The following HNRNPM variants were observed in gnomAD, a reference collection of about 807,000 sequenced individuals.
HNRNPM encodes heterogeneous nuclear ribonucleoprotein M, also known as CEA receptor.
In HNRNPM, 11 loss-of-function variants were observed where a neutral mutation model predicts 73.1. That is an observed-to-expected ratio of 0.15 (90% confidence interval 0.09 to 0.25). The LOEUF is 0.25. HNRNPM is among the 10% of genes least tolerant of loss of function. The probability of loss-of-function intolerance (pLI) is 1.00; values close to 1 mark genes in which losing one functional copy is unlikely to be tolerated. For synonymous variants in HNRNPM, 407 were observed against 355.2 expected (o/e 1.15, Z -1.64); for missense variants, 789 against 1,067.9 (o/e 0.74, Z 3.64).
intron 10 of HNRNPM, among the ~76,000 whole-genome samples, chr19:8,473,172 T>C (rs1027870437): frequency 2.6e-5 from 4 of 151,778 alleles, no homozygotes; most frequent in Non-Finnish European, 5.9e-5. Flanking sequence ...GAGCCTGGGA[T>C]GTTGAGGCTG....
chr19:8,458,206 A>G (rs1021197167), intron 2 of HNRNPM, among the ~76,000 whole-genome samples: 4 of 152,210 alleles, frequency 2.6e-5, no homozygotes, highest in Non-Finnish European at 4.4e-5. Flanking sequence ...TACCAGCTGC[A>G]TATTCTCCAG....
intron 8 of HNRNPM, among the ~76,000 whole-genome samples, chr19:8,468,453 A>G (rs1472875547): frequency 6.6e-6 from 1 of 152,230 alleles, no homozygotes. Context: ...TAAATAGAGT[A>G]GGTAAGTTTT....
intron 1 of HNRNPM, among the ~76,000 whole-genome samples, chr19:8,450,677 C>A (rs1968541359): frequency 6.6e-6 from 1 of 151,522 alleles, no homozygotes; most frequent in Non-Finnish European, 1.5e-5. Context: ...GCTGGGATTA[C>A]AGGCATTAAT....
rs1471063690 is a variant in HNRNPM at position 8,478,921 on chromosome 19, C to T, written c.1121-4237C>T. Among the ~76,000 whole-genome samples the T allele has an allele frequency of 5.3e-5, 8 of 152,080 alleles. No individual in the cohort carries two copies. In the East Asian group the frequency reaches 1.2e-3, roughly 22 times the overall value. On this transcript the variant is annotated intron_variant, in intron 12 of 15. Coordinates refer to ENST00000325495, the MANE Select transcript of HNRNPM (RefSeq NM_005968.5). Reference sequence around the variant, plus strand: ...AGTTAGCAGGATGGAGTGAGTTGTGCACTTGCTGATGCCTTTGACAGAGGC... The same window carrying T: ...AGTTAGCAGGATGGAGTGAGTTGTGTACTTGCTGATGCCTTTGACAGAGGC...
rs149272645 is a variant in HNRNPM at position 8,452,182 on chromosome 19, T to C, written c.114-3223T>C. ...CCTGTGGAATATAGGTTAGACACTT[T>C]GTTACCTGCTTTGGCTGTAATTATT... is the stretch of plus-strand genomic sequence containing the variant. On this transcript the variant is annotated intron_variant, in intron 1 of 15. Coordinates refer to ENST00000325495, the MANE Select transcript of HNRNPM (RefSeq NM_005968.5). 2.5e-4 allele frequency among the ~76,000 whole-genome samples: 38 copies of C among 152,366 alleles called. No individual in the cohort carries two copies. In the Middle Eastern group the frequency reaches 0.01, roughly 41 times the overall value.
At chr19:8,445,275 G>A (rs1478663744) in intron 1 of HNRNPM, 164 bp downstream of exon 1, 2 of 524,728 alleles carry the variant, frequency 3.8e-6, no homozygotes, top group African/African-American at 4.0e-5. Context: ...CCGTGAGCGG[G>A]GAGCCGGGGG....
chr19:8,466,532 G>T, intron 7 of HNRNPM, 144 bp downstream of exon 7: 1 of 898,370 alleles, frequency 1.1e-6, no homozygotes, highest in Non-Finnish European at 1.7e-6. Context: ...GGAATTAAGA[G>T]GTTCTCTGGG....
intron 1 of HNRNPM, chr19:8,445,492 C>G (rs528614863): frequency 5.8e-6 from 1 of 171,612 alleles, no homozygotes; most frequent in East Asian, 1.5e-4. Context: ...CCCCCCGTCC[C>G]CTCTCCTCCC....
chr19:8,479,074 CTTTCTTTTTTT>C (rs1249091949), intron 12 of HNRNPM, among the ~76,000 whole-genome samples: 3 of 80,966 alleles, frequency 3.7e-5, no homozygotes, highest in African/African-American at 9.0e-5. Context: ...TTTTTTCTTT[CTTTCTTTTTTT>C]TTTTTTTTTT....
At chr19:8,483,262 G>T in intron 13 of HNRNPM, 51 bp downstream of exon 13, 1 of 1,398,072 alleles carries the variant, frequency 7.2e-7, no homozygotes, top group South Asian at 1.2e-5. Context: ...GGCTGTTATC[G>T]CTGGGGACTG....
rs1273369951 is a variant in HNRNPM, at chr19:8,486,081, G to C, written c.1653G>C (p.Met551Ile). ...GCATGGGCCCCGTGATGGATCGCAT[G>C]GCCACCGGCCTGGAGCGCATGGGCG... ...LERMGPVMDRMATGLERMGAN... is the reference protein window; with the variant it reads ...LERMGPVMDRIATGLERMGAN... The change falls in exon 14 of 16, where the codon ATG (methionine) becomes ATC (isoleucine). Residue 551 changes from methionine to isoleucine, a missense_variant. Physicochemically the swap from Met to Ile is conservative, Grantham distance 10 (BLOSUM62 1). Transcript: ENST00000325495. 1 of 1,606,128 alleles carries C rather than the reference G, an allele frequency of 6.2e-7. No individual in the cohort carries two copies. Among genetic ancestry groups the C allele is most frequent in the Non-Finnish European group, 8.5e-7 (1 of 1,179,462 alleles).
At chr19:8,458,835 T>C (rs768346366) in intron 2 of HNRNPM, among the ~76,000 whole-genome samples, 7 of 152,202 alleles carry the variant, frequency 4.6e-5, no homozygotes, top group Non-Finnish European at 7.3e-5. Context: ...ATAATTTGCA[T>C]TGTGGGTCTA....
intron 1 of HNRNPM, among the ~76,000 whole-genome samples, chr19:8,453,596 TC>T (rs1172467829): frequency 6.6e-6 from 1 of 152,184 alleles, no homozygotes; most frequent in Non-Finnish European, 1.5e-5. Context: ...TGGTTTTTTT[TC>T]CGGTTTTGTC....
chr19:8,465,999 A>G (rs567261546), intron 6 of HNRNPM, among the ~76,000 whole-genome samples: 143 of 152,324 alleles, frequency 9.4e-4, no homozygotes, highest in African/African-American at 3.2e-3. Flanking sequence ...TTGAAGTATG[A>G]GGTGACTTAA....
intron 13 of HNRNPM, among the ~76,000 whole-genome samples, chr19:8,484,321 C>T (rs931026539): frequency 9.2e-5 from 14 of 151,978 alleles, no homozygotes; most frequent in East Asian, 3.9e-4. Flanking sequence ...GGACTACGGG[C>T]GCACGCCACC....
intron 11 of HNRNPM, 26 bp downstream of exon 11, chr19:8,473,734 G>A (rs778639553): frequency 3.6e-5 from 49 of 1,367,560 alleles, no homozygotes; most frequent in Admixed American, 7.0e-5. Flanking sequence ...TGAAGTACAA[G>A]CATAATCACT....
intron 1 of HNRNPM, among the ~76,000 whole-genome samples, chr19:8,446,653 T>TA (rs1455070520): frequency 6.6e-6 from 1 of 152,164 alleles, no homozygotes; most frequent in African/African-American, 2.4e-5. Flanking sequence ...TCCTCCTGCC[T>TA]AGGCCTTCCA....
Position 8,485,979 on chromosome 19 carries a change from C to T in HNRNPM, c.1551C>T (p.Arg517=). The change falls in exon 14 of 16, where the codon CGC becomes CGT. Residue 517 remains arginine (R), a synonymous_variant. Transcript: ENST00000325495. ...TIERMGSGVE[R]MGPAIERMGL... ...AGCGCATGGGCTCTGGCGTGGAGCG[C>T]ATGGGCCCTGCCATCGAGCGCATGG... The T allele has an allele frequency of 6.2e-7, 1 of 1,603,146 alleles. No homozygotes were observed.
intron 9 of HNRNPM, among the ~76,000 whole-genome samples, chr19:8,470,990 A>G (rs990221808): frequency 1.3e-5 from 2 of 152,134 alleles, no homozygotes; most frequent in Non-Finnish European, 2.9e-5. Flanking sequence ...GCTGCTTGCC[A>G]CCTGATGTCT....
Sources: allele counts gnomAD v4.1 joint callset (sites outside exome capture counted in the v4.1 genomes callset), GRCh38; gene constraint gnomAD v4.1.1; transcripts MANE v1.5; gene names NCBI Gene and HGNC (gene_info 2026-07-23, HGNC 2026-07-21).